The following MADD variants were observed in gnomAD, a reference collection of about 807,000 sequenced individuals.
The protein encoded by MADD is MAP kinase-activating death domain protein.
Under a neutral mutation model 176.7 loss-of-function variants are expected in MADD, and 109 were observed. The observed-to-expected ratio is 0.62, with a 90% CI of 0.53 to 0.72. The LOEUF (loss-of-function observed/expected upper bound fraction) is 0.72. Ranked by LOEUF, MADD falls within the 30% of genes least tolerant of loss-of-function variation. The pLI is 0.00. For synonymous variants in MADD, 771 were observed against 771.3 expected (o/e 1.00, Z 0.01); for missense variants, 1,914 against 2,045.5 (o/e 0.94, Z 1.24).
At chr11:47,326,457 C>A in intron 30 of MADD, 87 bp from the exon 34 acceptor site, 1 of 1,161,040 alleles carries the variant, frequency 8.6e-7, no homozygotes, top group Non-Finnish European at 1.1e-6. Context: ...GGGCGGGCAG[C>A]CCAGGCCAGC....
chr11:47,322,358 A>AT (rs2094597876), intron 27 of MADD, among the ~76,000 whole-genome samples: 1 of 152,204 alleles, frequency 6.6e-6, no homozygotes, highest in Non-Finnish European at 1.5e-5. Flanking sequence ...CTGTAATCCC[A>AT]GCACTTTGGG....
intron 10 of MADD, 100 bp from the exon 11 acceptor site, chr11:47,284,078 A>G (rs1487620235): frequency 1.1e-5 from 9 of 795,314 alleles, no homozygotes; most frequent in Non-Finnish European, 2.0e-5. Context: ...CCTGGCCTTG[A>G]GTTCGGAGTG....
At chr11:47,293,895 T>C in exon 20 of MADD, 2 of 1,613,622 alleles carry the variant, frequency 1.2e-6, no homozygotes, top group Non-Finnish European at 1.7e-6. Flanking sequence ...CCTGAAGTAA[T>C]CAAACCTGTC....
chr11:47,285,548 A>G, exon 14 of MADD: 1 of 1,614,140 alleles, frequency 6.2e-7, no homozygotes, highest in East Asian at 2.2e-5. Context: ...CACCGTCTCC[A>G]ACACCAGCAC....
chr11:47,288,438 C>T (rs541748997), intron 15 of MADD, among the ~76,000 whole-genome samples: 2 of 152,258 alleles, frequency 1.3e-5, no homozygotes, highest in Admixed American at 6.5e-5. Flanking sequence ...CACATGTGGC[C>T]GGGTAGGCTA....
chr11:47,330,029 C>G (rs1308797096), exon 33 of MADD: 1 of 152,728 alleles, frequency 6.5e-6, no homozygotes, highest in Admixed American at 6.5e-5. Flanking sequence ...GTCCTCAACT[C>G]CCTTCAGGCT....
chr11:47,272,539 A>G (rs1449650272), intron 1 of MADD, among the ~76,000 whole-genome samples: 1 of 152,178 alleles, frequency 6.6e-6, no homozygotes, highest in Non-Finnish European at 1.5e-5. Context: ...CTTAGGCCGC[A>G]TGTAGAGCAC....
intron 2 of MADD, 73 bp downstream of exon 2, chr11:47,274,049 G>A (rs2047451790): frequency 9.6e-6 from 13 of 1,356,050 alleles, no homozygotes; most frequent in African/African-American, 2.9e-5. Flanking sequence ...TCCCTTCTCC[G>A]ATTTCCATGT....
At chr11:47,328,579 C>T (rs1022372943) in intron 31 of MADD, 79 bp from the exon 36 acceptor site, 9 of 1,598,926 alleles carry the variant, frequency 5.6e-6, no homozygotes, top group African/African-American at 1.3e-5. Context: ...TGACGCCGGG[C>T]GCTGCCGCCT....
chr11:47,297,938 A>G (rs1477393740), intron 22 of MADD, among the ~76,000 whole-genome samples: 2 of 147,278 alleles, frequency 1.4e-5, no homozygotes, highest in Non-Finnish European at 3.0e-5. Context: ...ACAGGCGCCC[A>G]CCACCATGCC....
intron 7 of MADD, 26 bp downstream of exon 7, chr11:47,279,105 G>A (rs757724226): frequency 9.3e-6 from 15 of 1,605,770 alleles, no homozygotes; most frequent in South Asian, 3.3e-5. Context: ...AGGAAAGAAA[G>A]GGGAGTATTA....
chr11:47,279,612 C>T (rs1381670148), intron 7 of MADD, among the ~76,000 whole-genome samples: 1 of 151,864 alleles, frequency 6.6e-6, no homozygotes, highest in African/African-American at 2.4e-5. Flanking sequence ...ATCTCCTGAC[C>T]TCATGATCCG....
At chr11:47,311,620 C>G in intron 25 of MADD, 112 bp from the exon 29 acceptor site, 2 of 695,024 alleles carry the variant, frequency 2.9e-6, no homozygotes, top group South Asian at 3.5e-5. Context: ...TGTGGTCTTT[C>G]AGAATTCCAC....
chr11:47,289,566 T>C, intron 16 of MADD, 73 bp downstream of exon 17: 1 of 1,227,552 alleles, frequency 8.1e-7, no homozygotes. Flanking sequence ...ACTTTAGGGA[T>C]GCTCAAGAGT....
rs2074467235 is a variant in MADD at position 47,298,029 on chromosome 11, C to T, written c.3642+1974C>T. Among the ~76,000 whole-genome samples, 3 of 152,036 alleles carry T rather than the reference C, an allele frequency of 2.0e-5. No individual in the cohort carries two copies. The South Asian group carries it at 6.2e-4, about 31-fold the overall frequency. ...GGTATCAATCTCCTGACCTTGTGATCTGCCCACCTCGGCCTCCCAAAATGC... is the reference window on the plus strand; with the variant it reads ...GGTATCAATCTCCTGACCTTGTGATTTGCCCACCTCGGCCTCCCAAAATGC... On this transcript the variant is annotated intron_variant, in intron 22 of 32. Transcript: ENST00000402192.
In MADD at chr11:47,285,877, A is replaced by C. The variant is rs2060259147; in HGVS notation, c.2551+287A>C. On this transcript the variant is annotated intron_variant, in intron 14 of 32. Transcript: ENST00000402192. ...AATTCAAAATCACACACTTGTACTT[A>C]TATTTTGTGGAAATACTCTGGTCAA... Among the ~76,000 whole-genome samples the C allele has an allele frequency of 1.3e-5, 2 of 152,218 alleles. 1 individual carries two copies. Among genetic ancestry groups the C allele is most frequent in the South Asian group, 4.1e-4 (2 of 4,830 alleles).
At chr11:47,327,851 C>A in intron 31 of MADD, 1 of 985,428 alleles carries the variant, frequency 1.0e-6, no homozygotes, top group South Asian at 4.7e-5. Flanking sequence ...TCTCAAGGGG[C>A]CATGATGGTG....
chr11:47,281,373 A>C (rs1301662718), intron 7 of MADD, among the ~76,000 whole-genome samples: 1 of 152,190 alleles, frequency 6.6e-6, no homozygotes, highest in Non-Finnish European at 1.5e-5. Context: ...TAAAGGCTAG[A>C]ATATTGGGAT....
exon 25 of MADD, chr11:47,309,596 A>C (rs747220850): frequency 6.2e-7 from 1 of 1,612,898 alleles, no homozygotes; most frequent in Non-Finnish European, 8.5e-7. Flanking sequence ...CTCATCTCCT[A>C]CATGCTGCTG....
Sources: gnomAD v4.1 joint callset for allele counts (sites outside exome capture counted in the v4.1 genomes callset) on GRCh38, gnomAD v4.1.1 for gene constraint, MANE v1.5 for transcripts, NCBI Gene and HGNC (gene_info 2026-07-23, HGNC 2026-07-21) for gene names.